Variants in GRID2 observed in about 807,000 individuals in gnomAD.
The protein encoded by GRID2 is glutamate ionotropic receptor delta type subunit 2.
A neutral mutation model predicts 114.8 loss-of-function variants in GRID2; 33 were observed. The ratio of observed to expected loss-of-function variants is 0.29; its 90% CI spans 0.22 to 0.38. The LOEUF (loss-of-function observed/expected upper bound fraction) is 0.38. Ranked by LOEUF, GRID2 falls within the 10% of genes least tolerant of loss-of-function variation. The pLI, the probability that GRID2 is intolerant of heterozygous loss-of-function variation, is 1.00. For missense variants in GRID2, 1,184 were observed against 1,257.7 expected, an observed-to-expected ratio of 0.94 and a Z score of 0.89; for synonymous variants, 505 against 449.9, an observed-to-expected ratio of 1.12 and a Z score of -1.55.
intron 8 of GRID2, among the ~76,000 whole-genome samples, chr4:93,245,484 G>C (rs1386617333): frequency 6.6e-6 from 1 of 152,176 alleles, no homozygotes; most frequent in African/African-American, 2.4e-5. Context: ...GCAAGAATTT[G>C]TTGTGAATAG....
At chr4:92,811,327 C>T (rs865803241) in intron 2 of GRID2, among the ~76,000 whole-genome samples, 1 of 151,864 alleles carries the variant, frequency 6.6e-6, no homozygotes, top group Non-Finnish European at 1.5e-5. Context: ...AGGAAAATTC[C>T]GTGTTTTAGT....
At chr4:92,858,265 T>C (rs1226414109) in intron 2 of GRID2, among the ~76,000 whole-genome samples, 1 of 152,208 alleles carries the variant, frequency 6.6e-6, no homozygotes, top group Non-Finnish European at 1.5e-5. Context: ...AAAGTTGCCA[T>C]AGACAGTGAT....
chr4:92,400,188 A>C (rs979033749), intron 1 of GRID2, among the ~76,000 whole-genome samples: 8 of 152,170 alleles, frequency 5.3e-5, no homozygotes, highest in African/African-American at 1.9e-4. Flanking sequence ...TGCAACTACC[A>C]CAGCTATTTA....
chr4:92,547,474 A>G (rs1001053724), intron 1 of GRID2, among the ~76,000 whole-genome samples: 2 of 152,206 alleles, frequency 1.3e-5, no homozygotes, highest in African/African-American at 2.4e-5. Flanking sequence ...AATGCTTTAG[A>G]GTTCTAATTC....
downstream of GRID2, among the ~76,000 whole-genome samples, chr4:93,774,840 T>C (rs559103482): frequency 6.6e-6 from 1 of 152,168 alleles, no homozygotes; most frequent in South Asian, 2.1e-4. Context: ...TTGGGAAAGA[T>C]TTATCCTGTT....
chr4:92,967,273 A>T (rs1450155081), intron 2 of GRID2, among the ~76,000 whole-genome samples: 1 of 151,976 alleles, frequency 6.6e-6, no homozygotes, highest in Non-Finnish European at 1.5e-5. Context: ...ATATCACAGA[A>T]ATCAACCTTT....
At chr4:92,858,411 C>T (rs965742997) in intron 2 of GRID2, among the ~76,000 whole-genome samples, 1 of 152,142 alleles carries the variant, frequency 6.6e-6, no homozygotes, top group Non-Finnish European at 1.5e-5. Flanking sequence ...AACCATCATA[C>T]ATGACTTTTA....
At chr4:93,553,437 G>T (rs1267216994) in intron 13 of GRID2, among the ~76,000 whole-genome samples, 3 of 152,116 alleles carry the variant, frequency 2.0e-5, no homozygotes, top group Admixed American at 6.6e-5. Flanking sequence ...AACTGATTTT[G>T]GAAGAGGTTT....
intron 2 of GRID2, among the ~76,000 whole-genome samples, chr4:92,793,258 C>T (rs192090524): frequency 6.6e-6 from 1 of 151,644 alleles, no homozygotes; most frequent in Non-Finnish European, 1.5e-5. Flanking sequence ...CTAGAATGTT[C>T]ATTTTTTTGC....
At chr4:93,137,911 A>G (rs1040881258) in intron 4 of GRID2, among the ~76,000 whole-genome samples, 3 of 150,706 alleles carry the variant, frequency 2.0e-5, no homozygotes, top group South Asian at 4.2e-4. Context: ...TGTAATTCAC[A>G]TGAAGTTGAG....
chr4:92,494,519 C>T (rs1380126496), intron 1 of GRID2, among the ~76,000 whole-genome samples: 2 of 151,868 alleles, frequency 1.3e-5, no homozygotes, highest in Admixed American at 1.3e-4. Flanking sequence ...TTACAAAAAA[C>T]TTCTGCATGT....
intron 8 of GRID2, among the ~76,000 whole-genome samples, chr4:93,354,671 CGTGT>C (rs35452796): frequency 0.23 from 30,140 of 130,046 alleles, 3,541 homozygotes; most frequent in African/African-American, 0.31. Flanking sequence ...GTGGCTCATC[CGTGT>C]GTGTGTGTGT....
chr4:92,858,455 A>G (rs540913407), intron 2 of GRID2, among the ~76,000 whole-genome samples: 85 of 152,350 alleles, frequency 5.6e-4, no homozygotes, highest in African/African-American at 1.9e-3. Flanking sequence ...AAGTAACTAC[A>G]GATGTGGATT....
intron 1 of GRID2, among the ~76,000 whole-genome samples, chr4:92,399,194 C>G (rs1489305861): frequency 6.6e-6 from 1 of 152,100 alleles, no homozygotes; most frequent in Non-Finnish European, 1.5e-5. Context: ...TGCATCCTAC[C>G]GTAATACAGG....
chr4:92,898,745 CT>C (rs1205218313), intron 2 of GRID2, among the ~76,000 whole-genome samples: 1 of 152,104 alleles, frequency 6.6e-6, no homozygotes, highest in East Asian at 1.9e-4. Flanking sequence ...TAAATTAGAT[CT>C]TGAGCACATT....
At chr4:93,709,198 A>G (rs969884088) in intron 14 of GRID2, among the ~76,000 whole-genome samples, 6 of 152,106 alleles carry the variant, frequency 3.9e-5, no homozygotes, top group East Asian at 3.9e-4. Context: ...GTACATTCAG[A>G]TGATTTATTA....
At chr4:93,226,149 G>A (rs768500399) in intron 7 of GRID2, among the ~76,000 whole-genome samples, 6 of 152,036 alleles carry the variant, frequency 3.9e-5, no homozygotes, top group South Asian at 2.1e-4. Context: ...CAATATTCAC[G>A]TCCCGCTCAC....
intron 1 of GRID2, among the ~76,000 whole-genome samples, chr4:92,485,858 GT>G (rs1171433580): frequency 6.6e-6 from 1 of 151,580 alleles, no homozygotes; most frequent in East Asian, 1.9e-4. Context: ...TAAATTTTAC[GT>G]GGAATTTTAC....
At chr4:93,373,504 G>A (rs1763112355) in intron 8 of GRID2, among the ~76,000 whole-genome samples, 1 of 152,020 alleles carries the variant, frequency 6.6e-6, no homozygotes, top group African/African-American at 2.4e-5. Context: ...CCAACAAGAT[G>A]TTATCACCCA....
Sources: allele counts gnomAD v4.1 joint callset (sites outside exome capture counted in the v4.1 genomes callset), GRCh38; gene constraint gnomAD v4.1.1; transcripts MANE v1.5; gene names NCBI Gene and HGNC (gene_info 2026-07-23, HGNC 2026-07-21).